Variants in ZBTB7C observed in about 807,000 individuals in gnomAD.
ZBTB7C encodes zinc finger and BTB domain containing 7C, also known as zinc finger and BTB domain-containing protein 7C.
Under a neutral mutation model 25.7 loss-of-function variants are expected in ZBTB7C, and 8 were observed. That is an observed-to-expected ratio of 0.31 (90% CI 0.18 to 0.56). The LOEUF is 0.56. Ranked by LOEUF, ZBTB7C falls within the 20% of genes least tolerant of loss-of-function variation. ZBTB7C has a pLI of 0.91. For missense variants in ZBTB7C, 824 were observed against 855.2 expected (o/e 0.96, Z 0.46); for synonymous variants, 394 against 369.0 (o/e 1.07, Z -0.78).
At chr18:48,401,210 A>G (rs1239178006) in intron 1 of ZBTB7C, among the ~76,000 whole-genome samples, 1 of 152,184 alleles carries the variant, frequency 6.6e-6, no homozygotes, top group Non-Finnish European at 1.5e-5. Context: ...AGGAGAAGCA[A>G]GACAACAAAG....
At chr18:48,231,029 C>T (rs191486353) in intron 2 of ZBTB7C, among the ~76,000 whole-genome samples, 49 of 152,256 alleles carry the variant, frequency 3.2e-4, no homozygotes, top group Admixed American at 3.9e-4. Flanking sequence ...CCAAGGAGAA[C>T]GGGAGGGAGT....
chr18:48,191,224 G>T (rs958216731), intron 2 of ZBTB7C, among the ~76,000 whole-genome samples: 4 of 152,178 alleles, frequency 2.6e-5, no homozygotes, highest in African/African-American at 9.7e-5. Context: ...CCCTCAGTGA[G>T]TGTCTGTGGC....
chr18:48,332,272 T>C (rs775406876), intron 2 of ZBTB7C, among the ~76,000 whole-genome samples: 3 of 152,234 alleles, frequency 2.0e-5, no homozygotes, highest in Non-Finnish European at 2.9e-5. Context: ...CCCACTGGTC[T>C]GAACTTGGTG....
At chr18:48,088,201 G>C (rs2038269013) in intron 3 of ZBTB7C, 1 of 152,166 alleles carries the variant, frequency 6.6e-6, no homozygotes, top group Non-Finnish European at 1.5e-5. Context: ...GTCTAACAGG[G>C]GAGAAAGAAC....
intron 1 of ZBTB7C, among the ~76,000 whole-genome samples, chr18:48,368,682 TG>T (rs2047311867): frequency 1.3e-5 from 2 of 152,092 alleles, no homozygotes; most frequent in South Asian, 4.1e-4. Context: ...CAAAAAGTCT[TG>T]AAAACGTTCA....
chr18:48,298,218 T>C (rs1568361241), intron 2 of ZBTB7C, among the ~76,000 whole-genome samples: 2 of 150,524 alleles, frequency 1.3e-5, no homozygotes, highest in Admixed American at 1.3e-4. Flanking sequence ...AAGTGGAGGT[T>C]GCAGTGAGCC....
chr18:48,294,847 C>T (rs532541364), intron 2 of ZBTB7C, among the ~76,000 whole-genome samples: 1 of 152,284 alleles, frequency 6.6e-6, no homozygotes, highest in Admixed American at 6.5e-5. Flanking sequence ...TAATCTGTAC[C>T]TTCCCTGAAT....
chr18:48,394,918 C>T (rs1352034174), intron 1 of ZBTB7C, among the ~76,000 whole-genome samples: 1 of 152,118 alleles, frequency 6.6e-6, no homozygotes, highest in Admixed American at 6.6e-5. Context: ...AAAATCAGCG[C>T]GCACATACTA....
intron 3 of ZBTB7C, among the ~76,000 whole-genome samples, chr18:48,058,233 TGAGCTCTAAAGGGTTG>T: frequency 6.6e-6 from 1 of 152,330 alleles, no homozygotes; most frequent in East Asian, 1.9e-4. Flanking sequence ...ATATGGCCAA[TGAGCTCTAAAGGGTTG>T]GACCCACTCA....
At chr18:48,132,044 C>T (rs2040002510) in intron 3 of ZBTB7C, among the ~76,000 whole-genome samples, 1 of 152,104 alleles carries the variant, frequency 6.6e-6, no homozygotes. Context: ...TAGGTATATA[C>T]CCCAAAGAAA....
At chr18:48,395,993 A>G (rs192610841) in intron 1 of ZBTB7C, among the ~76,000 whole-genome samples, 1 of 152,372 alleles carries the variant, frequency 6.6e-6, no homozygotes, top group East Asian at 1.9e-4. Context: ...ATCTGTCACA[A>G]GAAATTCCAG....
chr18:48,256,919 A>C (rs1446541025), intron 2 of ZBTB7C, among the ~76,000 whole-genome samples: 1 of 152,050 alleles, frequency 6.6e-6, no homozygotes, highest in Non-Finnish European at 1.5e-5. Flanking sequence ...TATTCAGTCC[A>C]AAGGAAGGCA....
intron 3 of ZBTB7C, chr18:48,185,317 C>T (rs950107967): frequency 8.9e-6 from 4 of 449,668 alleles, no homozygotes; most frequent in Non-Finnish European, 1.8e-5. Context: ...AGAGCTGGTG[C>T]ACACACCTGG....
intron 2 of ZBTB7C, among the ~76,000 whole-genome samples, chr18:48,264,610 G>A (rs1289702021): frequency 6.6e-6 from 1 of 152,104 alleles, no homozygotes; most frequent in South Asian, 2.1e-4. Flanking sequence ...GCAGGGGTTC[G>A]GTTAAGGGAG....
At position 48,040,124 on chromosome 18, in the gene ZBTB7C, C is replaced by A; in HGVS notation, c.984G>T (p.Glu328Asp). The A allele has an allele frequency of 6.3e-7, 1 of 1,595,908 alleles. No homozygotes were observed. The highest frequency in any genetic ancestry group is 8.5e-7 in the Non-Finnish European group (1 of 1,170,978). ...PGGPLGPIKA[E>D]NDYGAYLNFL... Reference sequence around the variant, plus strand: ...AGTTGAGATAGGCACCGTAGTCGTTCTCCGCCTTGATGGGTCCCAGAGGCC... The same window carrying A: ...AGTTGAGATAGGCACCGTAGTCGTTATCCGCCTTGATGGGTCCCAGAGGCC... Residue 328 changes from glutamate (E) to aspartate (D), a missense_variant, in exon 4 of 5, where the codon GAG becomes GAT. Glu to Asp is a conservative substitution (Grantham distance 45, BLOSUM62 2). This residue lies in a region of ZBTB7C where 316 missense variants were observed against 299.2 expected (regional missense o/e 1.06). Transcript: ENST00000590800.
At chr18:48,135,565 G>A (rs1198496712) in intron 3 of ZBTB7C, among the ~76,000 whole-genome samples, 1 of 152,148 alleles carries the variant, frequency 6.6e-6, no homozygotes, top group Non-Finnish European at 1.5e-5. Context: ...TGCAGCCCAG[G>A]TTGTGCCTTA....
chr18:48,156,454 C>A (rs2040843513), intron 3 of ZBTB7C, among the ~76,000 whole-genome samples: 1 of 152,146 alleles, frequency 6.6e-6, no homozygotes, highest in South Asian at 2.1e-4. Flanking sequence ...TGTGAGGATT[C>A]AGTTAGAGCT....
intron 1 of ZBTB7C, among the ~76,000 whole-genome samples, chr18:48,391,328 T>TCATACCTAGGAGCCAGA (rs2047899288): frequency 1.3e-5 from 2 of 152,186 alleles, no homozygotes; most frequent in African/African-American, 4.8e-5. Flanking sequence ...TCAATGTTAC[T>TCATACCTAGGAGCCAGA]CTGATCTTAC....
intron 2 of ZBTB7C, among the ~76,000 whole-genome samples, chr18:48,290,340 C>T (rs1025674206): frequency 6.6e-6 from 1 of 152,358 alleles, no homozygotes; most frequent in African/African-American, 2.4e-5. Flanking sequence ...CCCAGCCGTA[C>T]TAGAAGGGCT....
Sources: allele counts gnomAD v4.1 joint callset (sites outside exome capture counted in the v4.1 genomes callset), GRCh38; gene constraint gnomAD v4.1.1; regional missense constraint gnomAD v4.1.1; transcripts MANE v1.5; gene names NCBI Gene and HGNC (gene_info 2026-07-23, HGNC 2026-07-21).